Variants in ZDHHC14 observed in about 807,000 individuals in gnomAD.
The protein encoded by ZDHHC14 is palmitoyltransferase ZDHHC14.
ZDHHC14 carries 16 observed loss-of-function variants against 47.7 expected under a neutral mutation model. The observed-to-expected ratio is 0.34, with a 90% CI of 0.23 to 0.51. The LOEUF is 0.51. Ranked by LOEUF, ZDHHC14 falls within the 20% of genes least tolerant of loss-of-function variation. ZDHHC14 has a pLI of 0.97. For synonymous variants in ZDHHC14, 293 were observed against 278.9 expected, an observed-to-expected ratio of 1.05 and a Z score of -0.50; for missense variants, 515 against 662.5, an observed-to-expected ratio of 0.78 and a Z score of 2.44.
chr6:157,611,183 A>G (rs907275173), intron 3 of ZDHHC14, among the ~76,000 whole-genome samples: 1 of 152,068 alleles, frequency 6.6e-6, no homozygotes, highest in Non-Finnish European at 1.5e-5. Context: ...TATTTTTAGT[A>G]GAGACAGGGT....
chr6:157,507,369 C>T (rs4709329), intron 1 of ZDHHC14, among the ~76,000 whole-genome samples: 17,544 of 151,466 alleles, frequency 0.12, 1,288 homozygotes, highest in Non-Finnish European at 0.15. Context: ...CTACAACCTC[C>T]GCCTTCCAGG....
chr6:157,621,579 A>G (rs1005783387), intron 3 of ZDHHC14, among the ~76,000 whole-genome samples: 2 of 152,186 alleles, frequency 1.3e-5, no homozygotes, highest in African/African-American at 4.8e-5. Context: ...CTGCATGGAA[A>G]ATGCAGAATC....
intron 8 of ZDHHC14, among the ~76,000 whole-genome samples, chr6:157,664,560 C>G (rs919321948): frequency 6.6e-6 from 1 of 152,142 alleles, no homozygotes; most frequent in Non-Finnish European, 1.5e-5. Context: ...TGTTGGAACT[C>G]AACCTCCAAA....
intron 1 of ZDHHC14, among the ~76,000 whole-genome samples, chr6:157,465,154 T>C (rs143788017): frequency 1.2e-3 from 187 of 149,670 alleles, no homozygotes; most frequent in African/African-American, 4.6e-3. Context: ...TTTATTGGGT[T>C]GAACCAATGA....
At chr6:157,570,824 T>TACACACACACACACACAC in intron 2 of ZDHHC14, among the ~76,000 whole-genome samples, 2 of 151,752 alleles carry the variant, frequency 1.3e-5, no homozygotes, top group African/African-American at 4.8e-5. Context: ...CACATATATA[T>TACACACACACACACACAC]ATATATACAC....
chr6:157,514,479 A>G (rs1164083176), intron 1 of ZDHHC14, among the ~76,000 whole-genome samples: 3 of 152,264 alleles, frequency 2.0e-5, no homozygotes, highest in Middle Eastern at 3.2e-3. Flanking sequence ...AAACAAAAAT[A>G]TCTGCCTATT....
chr6:157,574,287 G>A (rs1269053243), intron 2 of ZDHHC14, among the ~76,000 whole-genome samples: 1 of 152,104 alleles, frequency 6.6e-6, no homozygotes, highest in Admixed American at 6.5e-5. Context: ...GCTGAGCATG[G>A]TGGTGAATGC....
intron 3 of ZDHHC14, among the ~76,000 whole-genome samples, chr6:157,596,363 TC>T (rs1441053452): frequency 4.6e-5 from 7 of 152,286 alleles, no homozygotes; most frequent in Admixed American, 1.3e-4. Flanking sequence ...ACTTGTGGCT[TC>T]CCTTACCTTG....
At chr6:157,501,967 A>T (rs910633111) in intron 1 of ZDHHC14, among the ~76,000 whole-genome samples, 2 of 152,212 alleles carry the variant, frequency 1.3e-5, no homozygotes, top group Non-Finnish European at 2.9e-5. Context: ...TTGACCACAC[A>T]TGGCCACCGT....
intron 1 of ZDHHC14, among the ~76,000 whole-genome samples, chr6:157,450,340 G>A (rs1225568518): frequency 6.6e-6 from 1 of 151,772 alleles, no homozygotes; most frequent in Non-Finnish European, 1.5e-5. Flanking sequence ...GAAATATGCT[G>A]AGCTAAGCAT....
intron 8 of ZDHHC14, among the ~76,000 whole-genome samples, chr6:157,656,021 C>T (rs9355853): frequency 0.21 from 32,665 of 152,188 alleles, 4,266 homozygotes; most frequent in East Asian, 0.53. Context: ...AGCACCTACC[C>T]TGTGCCTCTG....
chr6:157,500,369 A>T (rs938938955), intron 1 of ZDHHC14, among the ~76,000 whole-genome samples: 1 of 152,188 alleles, frequency 6.6e-6, no homozygotes, highest in African/African-American at 2.4e-5. Flanking sequence ...CTTAAAGACC[A>T]TGGTGGGGAC....
chr6:157,570,770 C>CACAT (rs1554268403), intron 2 of ZDHHC14, among the ~76,000 whole-genome samples: 1 of 121,524 alleles, frequency 8.2e-6, no homozygotes, highest in Admixed American at 7.6e-5. Context: ...CACACACACA[C>CACAT]ATATATATAT....
intron 1 of ZDHHC14, among the ~76,000 whole-genome samples, chr6:157,402,351 C>T (rs1404673923): frequency 1.3e-5 from 2 of 152,126 alleles, no homozygotes; most frequent in South Asian, 4.1e-4. Flanking sequence ...TGCGCACCTG[C>T]TGAGGTCTCA....
In ZDHHC14 at chr6:157,450,998, T is replaced by TTGTGTGTG. The variant is rs34066002; in HGVS notation, c.245+68758_245+68765dup. 2.8e-3 allele frequency among the ~76,000 whole-genome samples: 419 copies of TTGTGTGTG among 147,630 alleles called. 2 individuals carry two copies. Among genetic ancestry groups the TTGTGTGTG allele is most frequent in the East Asian group, 7.8e-3 (39 of 5,002 alleles). Reference sequence around the variant, plus strand: ...AAATTTTGATGTCAAAAGTCTGGTCTTGTGTGTGTGTGTGTGTGTGTGTGT... The same window carrying TTGTGTGTG: ...AAATTTTGATGTCAAAAGTCTGGTCTTGTGTGTGTGTGTGTGTGTGTGTGTGTGTGTGT... On this transcript the variant is annotated intron_variant, in intron 1 of 8. Coordinates refer to ENST00000359775, the MANE Select transcript of ZDHHC14 (RefSeq NM_024630.3).
intron 3 of ZDHHC14, among the ~76,000 whole-genome samples, chr6:157,615,729 C>T (rs1412703077): frequency 6.6e-6 from 1 of 152,204 alleles, no homozygotes; most frequent in African/African-American, 2.4e-5. Context: ...AGGAACTTCA[C>T]TCAGAGCTGC....
Position 157,429,622 on chromosome 6 carries a change from G to A in ZDHHC14, c.245+47356G>A, listed in dbSNP as rs192973473. On this transcript the variant is annotated intron_variant, in intron 1 of 8. Transcript: ENST00000359775. ...GGGAGAGAAGGAGGGGAAGGAAGGA[G>A]GGGAAAGAAGGAAGGAGAGCAAGGA... is the stretch of plus-strand genomic sequence containing the variant. Among the ~76,000 whole-genome samples, 387 of 151,602 alleles carry A rather than the reference G, an allele frequency of 2.6e-3. 1 individual carries two copies. The highest frequency in any genetic ancestry group is 8.9e-3 in the African/African-American group (368 of 41,286).
At chr6:157,603,051 G>T (rs1179090329) in intron 3 of ZDHHC14, among the ~76,000 whole-genome samples, 1 of 152,212 alleles carries the variant, frequency 6.6e-6, no homozygotes, top group Non-Finnish European at 1.5e-5. Context: ...GTCCCCCTGG[G>T]TGTCTGAAGT....
chr6:157,596,132 G>C (rs1226389571), intron 3 of ZDHHC14, among the ~76,000 whole-genome samples: 1 of 152,218 alleles, frequency 6.6e-6, no homozygotes, highest in East Asian at 1.9e-4. Flanking sequence ...CGGTTTTCCG[G>C]TTAATTATGG....
Sources: gnomAD v4.1 joint callset for allele counts (sites outside exome capture counted in the v4.1 genomes callset) on GRCh38, gnomAD v4.1.1 for gene constraint, MANE v1.5 for transcripts, NCBI Gene and HGNC (gene_info 2026-07-23, HGNC 2026-07-21) for gene names.